Variants in ABL1 observed in about 807,000 individuals in gnomAD.
The protein encoded by ABL1 is tyrosine-protein kinase ABL1.
ABL1 carries 11 observed loss-of-function variants against 94.7 expected under a neutral mutation model. The ratio of observed to expected loss-of-function variants is 0.12; its 90% CI spans 0.07 to 0.19. The LOEUF (loss-of-function observed/expected upper bound fraction) is 0.19, where lower values mean the gene tolerates loss of function less well. Ranked by LOEUF, ABL1 falls within the 10% of genes least tolerant of loss-of-function variation. ABL1 has a pLI of 1.00. For missense variants in ABL1, 1,082 were observed against 1,489.4 expected, an observed-to-expected ratio of 0.73 and a Z score of 4.50; for synonymous variants, 656 against 622.4, an observed-to-expected ratio of 1.05 and a Z score of -0.80.
Position 130,835,309 on chromosome 9 carries a change from G to T in ABL1, c.-138G>T. ...CGCGGCCGCGGCCATGGGCGGGCGC[G>T]GGCGCGCGGGGCGGCGGTGAGGGCG... On this transcript the variant is annotated 5_prime_UTR_variant, in exon 1 of 11. Transcript: ENST00000318560. This position sits in a 1 kb window ranked among gnomAD's most constrained non-coding sequence, Gnocchi z 4.6. 5.4e-6 allele frequency: 1 copy of T among 184,160 alleles called. No homozygotes were observed. The highest frequency in any genetic ancestry group is 1.7e-4 in the South Asian group (1 of 5,968). The allele number at this position is 184,160 out of a possible 1,614,324, so 11.4% of individuals were successfully genotyped here. A position where few individuals can be genotyped will look rare whatever the true frequency, so the allele number is the denominator to read the frequency against.
intron 10 of ABL1, among the ~76,000 whole-genome samples, chr9:130,882,199 G>C (rs903733018): frequency 1.3e-5 from 2 of 152,116 alleles, no homozygotes; most frequent in African/African-American, 2.4e-5. Flanking sequence ...CCAGTGATCA[G>C]CAGTCATGTT....
intron 1 of ABL1, among the ~76,000 whole-genome samples, chr9:130,751,708 C>G (rs927594269): frequency 4.6e-5 from 7 of 152,218 alleles, no homozygotes; most frequent in African/African-American, 1.7e-4. Context: ...ATCCTGCACT[C>G]TGCTCCTCAA....
intron 1 of ABL1, among the ~76,000 whole-genome samples, chr9:130,844,313 C>G (rs1830724114): frequency 6.6e-6 from 1 of 152,062 alleles, no homozygotes; most frequent in Non-Finnish European, 1.5e-5. Context: ...GGAAAAGTGC[C>G]AAGATGCAGG....
chr9:130,820,860 C>T (rs150241747), intron 1 of ABL1, among the ~76,000 whole-genome samples: 1 of 152,090 alleles, frequency 6.6e-6, no homozygotes, highest in East Asian at 1.9e-4. Context: ...TAAAATTTAC[C>T]ATTTGAATGT....
At chr9:130,786,754 T>C (rs1346290778) in intron 1 of ABL1, among the ~76,000 whole-genome samples, 3 of 152,180 alleles carry the variant, frequency 2.0e-5, no homozygotes, top group African/African-American at 4.8e-5. Context: ...TTTAAGTGAC[T>C]TTGCCAACAC....
chr9:130,745,700 G>C (rs765981475), intron 1 of ABL1, among the ~76,000 whole-genome samples: 8 of 151,972 alleles, frequency 5.3e-5, no homozygotes, highest in Non-Finnish European at 1.0e-4. Flanking sequence ...TGAAATGCAT[G>C]TGGGAAAATG....
chr9:130,874,897 G>A lies in ABL1; in HGVS notation c.1115G>A (p.Gly372Glu). The A allele has an allele frequency of 6.2e-7, 1 of 1,614,172 alleles. No homozygotes were observed. The highest frequency in any genetic ancestry group is 1.3e-5 in the African/African-American group (1 of 75,032). Residue 372 changes from glycine to glutamate, a missense_variant, in exon 7 of 11, where the codon GGG becomes GAG. Physicochemically the swap from Gly to Glu is moderately conservative, Grantham distance 98. Transcript: ENST00000318560. ...RDLAARNCLV[G>E]ENHLVKVADF... ...CTTGCTGCCCGAAACTGCCTGGTAG[G>A]GGAGAACCACTTGGTGAAGGTAGCT...
At chr9:130,776,364 G>C (rs1832310533) in intron 1 of ABL1, among the ~76,000 whole-genome samples, 1 of 152,226 alleles carries the variant, frequency 6.6e-6, no homozygotes, top group African/African-American at 2.4e-5. Flanking sequence ...GGGAGGCCGA[G>C]GCAGGCAGAT....
At chr9:130,847,495 T>C (rs992225772) in intron 1 of ABL1, among the ~76,000 whole-genome samples, 9 of 152,194 alleles carry the variant, frequency 5.9e-5, no homozygotes, top group African/African-American at 2.2e-4. Context: ...ACTTTGGCCT[T>C]GTAAGCTGTG....
chr9:130,862,744 T>C lies in ABL1; in HGVS notation c.550-19T>C. ...TTGCCTGTCTCTGTGGGCTGAAGGC[T>C]GTTCCCTGTTTCCTTCAGCTCTACG... On this transcript the variant is annotated intron_variant, in intron 3 of 10. Coordinates refer to ENST00000318560, the MANE Select transcript of ABL1 (RefSeq NM_005157.6). The surrounding 1 kb of genome is among the most constrained non-coding windows in gnomAD (Gnocchi z 5.5). The C allele has an allele frequency of 6.2e-7, 1 of 1,609,812 alleles. No homozygotes were observed.
intron 1 of ABL1, among the ~76,000 whole-genome samples, chr9:130,822,788 A>T (rs1830379445): frequency 6.6e-6 from 1 of 150,962 alleles, no homozygotes; most frequent in African/African-American, 2.4e-5. Context: ...AGTTCTCTGT[A>T]TTGTGGGTAC....
chr9:130,884,150 C>T lies in ABL1; in HGVS notation c.1860C>T (p.Ser620=), dbSNP rs777223111. 5 of 1,613,288 alleles carry T rather than the reference C, an allele frequency of 3.1e-6. No homozygotes were observed. In the Admixed American group the frequency reaches 6.7e-5, roughly 22 times the overall value. The change falls in exon 11 of 11, where the codon TCC becomes TCT. Residue 620 remains serine, a synonymous_variant. Coordinates refer to ENST00000318560, the MANE Select transcript of ABL1 (RefSeq NM_005157.6). The surrounding 1 kb of genome is among the most constrained non-coding windows in gnomAD (Gnocchi z 5.6). ...TAPTPPKRSS[S]FREMDGQPER... ...CAACCCCTCCCAAACGCAGCAGCTC[C>T]TTCCGGGAGATGGACGGCCAGCCGG...
At chr9:130,754,082 T>A (rs1400072115) in intron 1 of ABL1, among the ~76,000 whole-genome samples, 1 of 150,824 alleles carries the variant, frequency 6.6e-6, no homozygotes, top group Non-Finnish European at 1.5e-5. Context: ...TGGCGTTGCC[T>A]ATAATCTCAG....
At chr9:130,794,675 G>T (rs981049154) in intron 1 of ABL1, among the ~76,000 whole-genome samples, 4 of 152,162 alleles carry the variant, frequency 2.6e-5, no homozygotes, top group Admixed American at 6.5e-5. Context: ...CATAACTGGT[G>T]ATCACTGTTG....
chr9:130,786,729 T>G (rs1256893821), intron 1 of ABL1, among the ~76,000 whole-genome samples: 1 of 152,172 alleles, frequency 6.6e-6, no homozygotes, highest in East Asian at 1.9e-4. Flanking sequence ...TCTGCCAGCT[T>G]GTCATAGAAG....
At position 130,872,601 on chromosome 9, in the gene ABL1, C is replaced by T. The variant is rs1831272515; in HGVS notation, c.908-259C>T. ...GTGGTGAAGGTCATTTGAGGTGGGG[C>T]CAGGTCTGCGTCTGAATTCTGTGGC... On this transcript the variant is annotated intron_variant, in intron 5 of 10. Transcript: ENST00000318560. The surrounding 1 kb of genome is among the most constrained non-coding windows in gnomAD (Gnocchi z 5.0). 6.6e-6 allele frequency among the ~76,000 whole-genome samples: 1 copy of T among 152,088 alleles called. No homozygotes were observed. Among genetic ancestry groups the T allele is most frequent in the East Asian group, 1.9e-4 (1 of 5,188 alleles).
At chr9:130,743,958 G>A (rs1410275673) in intron 1 of ABL1, among the ~76,000 whole-genome samples, 1 of 152,126 alleles carries the variant, frequency 6.6e-6, no homozygotes, top group Non-Finnish European at 1.5e-5. Flanking sequence ...TTGGAAGCGG[G>A]TGTGTTTCTA....
At chr9:130,811,804 C>T (rs1302063622) in intron 1 of ABL1, among the ~76,000 whole-genome samples, 4 of 147,702 alleles carry the variant, frequency 2.7e-5, no homozygotes, top group Non-Finnish European at 5.9e-5. Flanking sequence ...CTCAGCTACT[C>T]GGGAGGCTGA....
intron 1 of ABL1, among the ~76,000 whole-genome samples, chr9:130,810,526 T>C (rs973199355): frequency 1.5e-5 from 2 of 135,836 alleles, no homozygotes; most frequent in African/African-American, 6.6e-5. Flanking sequence ...AGATGAAAAA[T>C]ACACTGAAGA....
Sources: gnomAD v4.1 joint callset for allele counts (sites outside exome capture counted in the v4.1 genomes callset) on GRCh38, gnomAD v4.1.1 for gene constraint, Gnocchi (gnomAD v3.1) non-coding constraint, MANE v1.5 for transcripts, NCBI Gene and HGNC (gene_info 2026-07-23, HGNC 2026-07-21) for gene names.